Variants in PLIN3 observed in about 807,000 individuals in gnomAD.
PLIN3 encodes the protein perilipin-3.
In PLIN3, 30 loss-of-function variants were observed where a neutral mutation model predicts 35.9. The ratio of observed to expected loss-of-function variants is 0.84; its 90% CI spans 0.62 to 1.13. PLIN3 has a LOEUF of 1.13. Among genes scored for constraint, PLIN3 ranks in the 50% most tolerant of loss-of-function variants. The pLI, the probability that PLIN3 is intolerant of heterozygous loss-of-function variation, is 0.00. For missense variants in PLIN3, 603 were observed against 596.9 expected (o/e 1.01, Z -0.11); for synonymous variants, 261 against 262.5 (o/e 0.99, Z 0.06).
chr19:4,865,816 C>T (rs2031690359), intron 1 of PLIN3, among the ~76,000 whole-genome samples: 1 of 151,238 alleles, frequency 6.6e-6, no homozygotes. Context: ...CTCTGCCTCC[C>T]CGGTTCACGC....
chr19:4,864,836 C>T (rs1486768313), intron 1 of PLIN3, among the ~76,000 whole-genome samples: 1 of 152,130 alleles, frequency 6.6e-6, no homozygotes, highest in Non-Finnish European at 1.5e-5. Context: ...GCTCCACCTA[C>T]GCTATGCTCC....
intron 1 of PLIN3, among the ~76,000 whole-genome samples, chr19:4,863,648 G>A (rs1278141724): frequency 2.0e-5 from 3 of 150,070 alleles, no homozygotes; most frequent in Non-Finnish European, 3.0e-5. Context: ...GCAAAACCCC[G>A]TCTCTACTAA....
intron 1 of PLIN3, among the ~76,000 whole-genome samples, chr19:4,863,502 A>T (rs1051301583): frequency 2.7e-5 from 4 of 150,162 alleles, no homozygotes; most frequent in African/African-American, 7.4e-5. Flanking sequence ...TGTCTCAAAA[A>T]AAAAAAAAAA....
chr19:4,840,408 C>T (rs2029876302), intron 7 of PLIN3, among the ~76,000 whole-genome samples: 1 of 152,096 alleles, frequency 6.6e-6, no homozygotes, highest in African/African-American at 2.4e-5. Context: ...GCACTCACTA[C>T]CACGCCCAGC....
rs536355053 is a variant in PLIN3, at chr19:4,843,273, G to A, written c.960+1395C>T. Among the ~76,000 whole-genome samples the A allele has an allele frequency of 2.6e-4, 39 of 152,064 alleles. No homozygotes were observed. The South Asian group carries it at 4.1e-3, about 16-fold the overall frequency. ...TGTAATCCCAGCACTTTGGGAGGCC[G>A]AGGCGGGCGGATCACAAGGTCAGCA... On this transcript the variant is annotated intron_variant, in intron 7 of 7. Coordinates refer to ENST00000221957, the MANE Select transcript of PLIN3 (RefSeq NM_005817.5).
rs138699422 is a variant in PLIN3 at position 4,851,439 on chromosome 19, A to G, written c.634+577T>C. Among the ~76,000 whole-genome samples, 28 of 152,210 alleles carry G rather than the reference A, an allele frequency of 1.8e-4. No homozygotes were observed. In the East Asian group the frequency reaches 4.8e-3, roughly 26 times the overall value. On this transcript the variant is annotated intron_variant, in intron 5 of 7. Transcript: ENST00000221957. ...AGATCACGCCATTGCACTCCAGCCT[A>G]GGTGACAGGGCGAGACTCTGTCTCT...
chr19:4,866,824 G>C (rs905225303), intron 1 of PLIN3: 1 of 152,306 alleles, frequency 6.6e-6, no homozygotes, highest in African/African-American at 2.4e-5. Context: ...GTTTAAGCAA[G>C]GGTGGCCATG....
intron 4 of PLIN3, among the ~76,000 whole-genome samples, chr19:4,852,933 G>A (rs2030350573): frequency 6.6e-6 from 1 of 152,066 alleles, no homozygotes; most frequent in African/African-American, 2.4e-5. Context: ...TCCTGCCTCA[G>A]CCTCCCGAGT....
At chr19:4,840,252 C>T (rs2029875161) in intron 7 of PLIN3, among the ~76,000 whole-genome samples, 1 of 151,954 alleles carries the variant, frequency 6.6e-6, no homozygotes, top group Admixed American at 6.6e-5. Context: ...AGGCATGAAC[C>T]ACCGCGCCCA....
intron 6 of PLIN3, among the ~76,000 whole-genome samples, chr19:4,845,913 G>C (rs571087051): frequency 7.8e-6 from 1 of 128,594 alleles, no homozygotes; most frequent in South Asian, 2.6e-4. Flanking sequence ...GTGACAGAGC[G>C]AGACTCCGTC....
At chr19:4,846,726 C>T (rs1187406634) in intron 6 of PLIN3, among the ~76,000 whole-genome samples, 1 of 151,978 alleles carries the variant, frequency 6.6e-6, no homozygotes, top group African/African-American at 2.4e-5. Flanking sequence ...AGGACACAGA[C>T]ATACACAGAG....
At chr19:4,858,701 G>GTTTT (rs1238404775) in intron 4 of PLIN3, among the ~76,000 whole-genome samples, 10 of 78,178 alleles carry the variant, frequency 1.3e-4, no homozygotes, top group African/African-American at 3.1e-4. Flanking sequence ...TGTTTTTTTG[G>GTTTT]TTTTTTTTTT....
chr19:4,852,971 C>T (rs1024162612), intron 4 of PLIN3, among the ~76,000 whole-genome samples: 4 of 151,752 alleles, frequency 2.6e-5, no homozygotes, highest in Admixed American at 6.6e-5. Context: ...TGCGCCACCA[C>T]GCCAGGCTAA....
At chr19:4,865,939 C>G (rs1306727839) in intron 1 of PLIN3, among the ~76,000 whole-genome samples, 2 of 150,076 alleles carry the variant, frequency 1.3e-5, no homozygotes, top group African/African-American at 2.5e-5. Context: ...TAGCCAGGAT[C>G]GTCTCGATCT....
At chr19:4,859,791 G>A (rs769954922) in intron 3 of PLIN3, 35 bp downstream of exon 3, 86 of 1,609,656 alleles carry the variant, frequency 5.3e-5, no homozygotes, top group Non-Finnish European at 7.2e-5. Context: ...AAATGACCAG[G>A]AGGGGAATTC....
chr19:4,854,439 T>C (rs2030406863), intron 4 of PLIN3, among the ~76,000 whole-genome samples: 1 of 152,024 alleles, frequency 6.6e-6, no homozygotes, highest in East Asian at 1.9e-4. Context: ...TTTTTGCTCT[T>C]GTCACCCAGG....
Position 4,859,972 on chromosome 19 carries a change from T to C in PLIN3, c.119A>G (p.Asp40Gly), listed in dbSNP as rs775016276. 2 of 1,614,080 alleles carry C rather than the reference T, an allele frequency of 1.2e-6. No homozygotes were observed. The highest frequency in any genetic ancestry group is 1.7e-6 in the Non-Finnish European group (2 of 1,180,008). ...ASMPLISSTC[D>G]MVSAAYASTK... is the part of the protein sequence containing the mutation. Reference sequence around the variant, plus strand: ...GGAGGCATAGGCTGCGGACACCATGTCGCAGGTGGAGCTGATCAGAGGCAT... The same window carrying C: ...GGAGGCATAGGCTGCGGACACCATGCCGCAGGTGGAGCTGATCAGAGGCAT... Residue 40 changes from aspartate (D) to glycine (G), a missense_variant, in exon 3 of 8, where the codon GAC becomes GGC. Coordinates refer to ENST00000221957, the MANE Select transcript of PLIN3 (RefSeq NM_005817.5).
At chr19:4,848,661 G>C (rs10413644) in intron 5 of PLIN3, among the ~76,000 whole-genome samples, 32,978 of 152,174 alleles carry the variant, frequency 0.22, 3,820 homozygotes, top group South Asian at 0.36. Context: ...GAGGTCAGGA[G>C]TTCAAGACTA....
At chr19:4,866,013 A>G (rs1479196169) in intron 1 of PLIN3, among the ~76,000 whole-genome samples, 1 of 123,186 alleles carries the variant, frequency 8.1e-6, no homozygotes, top group Non-Finnish European at 1.7e-5. Flanking sequence ...GTGAGCCACC[A>G]TGCCCGGCCT....
Sources: allele counts gnomAD v4.1 joint callset (sites outside exome capture counted in the v4.1 genomes callset), GRCh38; gene constraint gnomAD v4.1.1; transcripts MANE v1.5; gene names NCBI Gene and HGNC (gene_info 2026-07-23, HGNC 2026-07-21).